Variants in USP32 observed in about 807,000 individuals in gnomAD.
USP32 encodes the protein ubiquitin specific peptidase 32.
Under a neutral mutation model 204.8 loss-of-function variants are expected in USP32, and 59 were observed. The observed-to-expected ratio is 0.29, with a 90% CI of 0.23 to 0.36. USP32 has a LOEUF of 0.36. Ranked by LOEUF, USP32 falls within the 10% of genes least tolerant of loss-of-function variation. USP32 has a pLI of 1.00. For synonymous variants in USP32, 517 were observed against 678.4 expected, an observed-to-expected ratio of 0.76 and a Z score of 3.70; for missense variants, 1,160 against 1,946.4, an observed-to-expected ratio of 0.60 and a Z score of 7.60.
At chr17:60,416,566 G>A (rs182986780) in intron 1 of USP32, among the ~76,000 whole-genome samples, 3 of 152,202 alleles carry the variant, frequency 2.0e-5, no homozygotes, top group South Asian at 2.1e-4. Context: ...ATTTTATGCC[G>A]ACCAATGGAA....
chr17:60,185,741 C>T, intron 29 of USP32, 90 bp from the exon 30 acceptor site: 1 of 1,435,732 alleles, frequency 7.0e-7, no homozygotes. Flanking sequence ...GGTCACTCAC[C>T]CTTATTTTAC....
chr17:60,204,454 G>A (rs2084770884), intron 26 of USP32, among the ~76,000 whole-genome samples: 1 of 151,084 alleles, frequency 6.6e-6, no homozygotes, highest in African/African-American at 2.4e-5. Context: ...AACATGCCTG[G>A]CTTAGGAGAT....
chr17:60,249,557 C>T, intron 11 of USP32: 1 of 540,242 alleles, frequency 1.9e-6, no homozygotes, highest in South Asian at 2.6e-5. Flanking sequence ...TTTTATTATC[C>T]TTGGACAGGC....
chr17:60,354,291 T>C (rs2089019091), intron 1 of USP32, among the ~76,000 whole-genome samples: 1 of 152,234 alleles, frequency 6.6e-6, no homozygotes, highest in Non-Finnish European at 1.5e-5. Context: ...TCTTCATCTC[T>C]ATTTCTTTAA....
At chr17:60,388,175 T>C (rs2089764811) in intron 1 of USP32, among the ~76,000 whole-genome samples, 2 of 152,132 alleles carry the variant, frequency 1.3e-5, no homozygotes, top group South Asian at 4.1e-4. Context: ...ATCACTCAGC[T>C]ACTAAGAGCA....
intron 4 of USP32, among the ~76,000 whole-genome samples, chr17:60,293,828 T>A (rs1431794166): frequency 6.6e-6 from 1 of 152,126 alleles, no homozygotes; most frequent in East Asian, 1.9e-4. Flanking sequence ...TGGAATTGTG[T>A]CAAAAAGCCA....
chr17:60,265,387 A>T, intron 9 of USP32, 25 bp downstream of exon 9: 3 of 1,513,486 alleles, frequency 2.0e-6, no homozygotes, highest in Non-Finnish European at 2.7e-6. Flanking sequence ...TTAGAAAAAG[A>T]TAAATTAGTT....
chr17:60,297,723 G>A (rs1899566857), intron 3 of USP32, among the ~76,000 whole-genome samples: 1 of 152,136 alleles, frequency 6.6e-6, no homozygotes, highest in Non-Finnish European at 1.5e-5. Context: ...TTACAGGTGT[G>A]AGCCATCACA....
chr17:60,421,381 G>T (rs1274149545), intron 1 of USP32: 3 of 985,394 alleles, frequency 3.0e-6, no homozygotes, highest in African/African-American at 1.7e-5. Flanking sequence ...ACTTGAAGCC[G>T]CTATGCCCCT....
chr17:60,330,981 A>G (rs1469118776), intron 2 of USP32, among the ~76,000 whole-genome samples: 1 of 152,142 alleles, frequency 6.6e-6, no homozygotes, highest in Non-Finnish European at 1.5e-5. Context: ...ATTTCACTCA[A>G]GCTAGTCATA....
Position 60,366,923 on chromosome 17 carries a change from C to T in USP32, c.59-21315G>A, listed in dbSNP as rs1007157802. Among the ~76,000 whole-genome samples, 14 of 151,954 alleles carry T rather than the reference C, an allele frequency of 9.2e-5. 1 individual carries two copies. The highest frequency in any genetic ancestry group is 3.9e-4 in the Admixed American group (6 of 15,250). ...CTGCAAGCTCCGCCTCCCAGGTTCA[C>T]GCCATTCTCCTCGTCTAAGCCTCCC... On this transcript the variant is annotated intron_variant, in intron 1 of 33. Coordinates refer to ENST00000300896, the MANE Select transcript of USP32 (RefSeq NM_032582.4).
chr17:60,352,112 C>T (rs189700816), intron 1 of USP32, among the ~76,000 whole-genome samples: 1 of 152,238 alleles, frequency 6.6e-6, no homozygotes, highest in Admixed American at 6.5e-5. Context: ...AAAACAGAAC[C>T]CTGACTTTAT....
intron 1 of USP32, among the ~76,000 whole-genome samples, chr17:60,366,315 G>C (rs572311573): frequency 1.3e-5 from 2 of 152,070 alleles, no homozygotes; most frequent in South Asian, 4.2e-4. Context: ...CATGCCACCA[G>C]GCCCAGCTAA....
intron 1 of USP32, among the ~76,000 whole-genome samples, chr17:60,417,317 G>A (rs2090069527): frequency 6.6e-6 from 1 of 151,946 alleles, no homozygotes; most frequent in East Asian, 1.9e-4. Flanking sequence ...ACCCTTTTAT[G>A]TTCTGTATTT....
intron 2 of USP32, among the ~76,000 whole-genome samples, chr17:60,312,546 T>C (rs551084163): frequency 4.6e-5 from 7 of 151,976 alleles, no homozygotes; most frequent in Middle Eastern, 3.4e-3. Flanking sequence ...CCAAGAGTCC[T>C]TGGGAGTCTG....
intron 5 of USP32, among the ~76,000 whole-genome samples, chr17:60,271,750 A>C (rs2086728883): frequency 6.6e-6 from 1 of 152,158 alleles, no homozygotes; most frequent in Non-Finnish European, 1.5e-5. Flanking sequence ...ATTTAAAATA[A>C]AAATTAAGCT....
intron 9 of USP32, among the ~76,000 whole-genome samples, chr17:60,256,134 CATG>C (rs1263880503): frequency 4.6e-5 from 7 of 151,452 alleles, no homozygotes; most frequent in Non-Finnish European, 1.0e-4. Context: ...AGCCCAGGAG[CATG>C]AGTCCAGCCT....
At chr17:60,389,470 G>T (rs2089790875) in intron 1 of USP32, among the ~76,000 whole-genome samples, 1 of 151,768 alleles carries the variant, frequency 6.6e-6, no homozygotes, top group Non-Finnish European at 1.5e-5. Context: ...TTGAACCCGG[G>T]AGGCGGAGGT....
rs150529055 is a variant in USP32 at position 60,419,320 on chromosome 17, A to G, written c.106+2926T>C. ...TAAGTAGGAGCTAAATGATGAGAACACATGAACACGTAGAGGGGAACAACA... is the reference window on the plus strand; with the variant it reads ...TAAGTAGGAGCTAAATGATGAGAACGCATGAACACGTAGAGGGGAACAACA... On this transcript the variant is annotated intron_variant, in intron 1 of 3. Coordinates refer to the USP32 transcript ENST00000588898. Among the ~76,000 whole-genome samples the G allele has an allele frequency of 1.5e-4, 23 of 152,346 alleles. No homozygotes were observed. In the East Asian group the frequency reaches 4.4e-3, roughly 29 times the overall value.
Sources: allele counts gnomAD v4.1 joint callset (sites outside exome capture counted in the v4.1 genomes callset), GRCh38; gene constraint gnomAD v4.1.1; transcripts MANE v1.5; gene names NCBI Gene and HGNC (gene_info 2026-07-23, HGNC 2026-07-21).